Variants in SMG6 observed in about 807,000 individuals in gnomAD.
The protein encoded by SMG6 is telomerase-binding protein EST1A.
SMG6 carries 66 observed loss-of-function variants against 142.2 expected under a neutral mutation model. The ratio of observed to expected loss-of-function variants is 0.46; its 90% CI spans 0.38 to 0.57. SMG6 has a LOEUF of 0.57. SMG6 is among the 20% of genes least tolerant of loss of function. SMG6 has a pLI of 0.00. For missense variants in SMG6, 1,793 were observed against 1,832.0 expected, an observed-to-expected ratio of 0.98 and a Z score of 0.39; for synonymous variants, 779 against 702.4, an observed-to-expected ratio of 1.11 and a Z score of -1.72.
intron 12 of SMG6, among the ~76,000 whole-genome samples, chr17:2,176,733 C>T (rs2071663905): frequency 6.6e-6 from 1 of 152,060 alleles, no homozygotes; most frequent in Admixed American, 6.6e-5. Context: ...CCACAGAACA[C>T]ACCACACACC....
intron 16 of SMG6, among the ~76,000 whole-genome samples, chr17:2,066,364 A>G (rs2151387650): frequency 8.2e-6 from 1 of 122,096 alleles, no homozygotes; most frequent in African/African-American, 3.5e-5. Context: ...ACATGTGTGT[A>G]TATGTCTCTG....
intron 10 of SMG6, among the ~76,000 whole-genome samples, chr17:2,201,238 T>A (rs970310850): frequency 2.0e-5 from 3 of 152,116 alleles, no homozygotes; most frequent in Non-Finnish European, 4.4e-5. Flanking sequence ...AGTAGGTACA[T>A]GAAAAGATGC....
intron 8 of SMG6, among the ~76,000 whole-genome samples, chr17:2,277,038 C>G (rs1327200198): frequency 6.6e-6 from 1 of 152,198 alleles, no homozygotes; most frequent in Non-Finnish European, 1.5e-5. Flanking sequence ...GCCTCAGCCT[C>G]CCAAAGTGTT....
rs768172362 is a variant in SMG6 at position 2,282,851 on chromosome 17, C to T, written c.2457G>A (p.Gln819=). 6.2e-6 allele frequency: 10 copies of T among 1,614,004 alleles called. No individual in the cohort carries two copies. In the South Asian group the frequency reaches 8.8e-5, roughly 14 times the overall value. Residue 819 remains glutamine, a synonymous_variant, in exon 8 of 19, where the codon CAG becomes CAA. Transcript: ENST00000263073. Reference sequence around the variant, plus strand: ...ATTCCTCATGTTGCTTCTTTTCCATCTGTTCTGCCTATATAACATACAAAC... The same window carrying T: ...ATTCCTCATGTTGCTTCTTTTCCATTTGTTCTGCCTATATAACATACAAAC... ...LFEETKRKAE[Q]MEKKQHEEFD...
chr17:2,300,555 C>A lies in SMG6; in HGVS notation c.198G>T (p.Lys66Asn), dbSNP rs2075258209. 1 of 1,613,988 alleles carries A rather than the reference C, an allele frequency of 6.2e-7. No homozygotes were observed. The highest frequency in any genetic ancestry group is 1.1e-5 in the South Asian group (1 of 91,084). The change falls in exon 2 of 19, where the codon AAG (lysine) becomes AAT (asparagine). Residue 66 changes from lysine (K) to asparagine (N), a missense_variant. Transcript: ENST00000263073. ...LSRLRNKPKI[K>N]EPPGSEEFKD... Reference sequence around the variant, plus strand: ...TGAATTCCTCACTCCCAGGGGGTTCCTTGATTTTGGGCTTGTTCCTTAGCC... The same window carrying A: ...TGAATTCCTCACTCCCAGGGGGTTCATTGATTTTGGGCTTGTTCCTTAGCC...
At chr17:2,108,308 T>C (rs2069209470) in intron 13 of SMG6, among the ~76,000 whole-genome samples, 6 of 152,172 alleles carry the variant, frequency 3.9e-5, no homozygotes, top group Admixed American at 3.9e-4. Flanking sequence ...TGAAAACACA[T>C]ATTGAAACTT....
intron 10 of SMG6, among the ~76,000 whole-genome samples, chr17:2,218,441 G>A (rs757646956): frequency 6.6e-6 from 1 of 152,024 alleles, no homozygotes; most frequent in Non-Finnish European, 1.5e-5. Flanking sequence ...CCAGCTACTC[G>A]AAGGCTGAGA....
At chr17:2,099,215 G>A (rs2068940800) in intron 13 of SMG6, among the ~76,000 whole-genome samples, 1 of 152,022 alleles carries the variant, frequency 6.6e-6, no homozygotes, top group Non-Finnish European at 1.5e-5. Context: ...TGTCAATCAT[G>A]CTCCCCGAAG....
In SMG6 at chr17:2,297,335, T is replaced by G; in HGVS notation, c.2059A>C (p.Ser687Arg). The G allele has an allele frequency of 6.2e-7, 1 of 1,612,030 alleles. No homozygotes were observed. Among genetic ancestry groups the G allele is most frequent in the Non-Finnish European group, 8.5e-7 (1 of 1,179,044 alleles). ...GTAACCTGCAGCTTCTGAAGCAAAC[T>G]ATCAAAGAAGTCACTACCCTATAAA... Reference protein sequence around the residue: ...LLDEGSDFFDSLLQKLQVTYK... With the variant: ...LLDEGSDFFDRLLQKLQVTYK... The change falls in exon 4 of 19, where the codon AGT (serine) becomes CGT (arginine). Residue 687 changes from serine (S) to arginine (R), a missense_variant. By Grantham distance (110) the Ser-to-Arg change is moderately radical. Coordinates refer to ENST00000263073, the MANE Select transcript of SMG6 (RefSeq NM_017575.5).
chr17:2,107,760 G>C (rs932685773), intron 13 of SMG6, among the ~76,000 whole-genome samples: 1 of 152,250 alleles, frequency 6.6e-6, no homozygotes, highest in East Asian at 1.9e-4. Flanking sequence ...GCCAGAGAGA[G>C]AGAGAAGGCA....
chr17:2,251,003 A>C (rs2074034288), intron 8 of SMG6, among the ~76,000 whole-genome samples: 1 of 152,086 alleles, frequency 6.6e-6, no homozygotes, highest in Non-Finnish European at 1.5e-5. Context: ...AACAAAGATA[A>C]ATAACATACC....
chr17:2,299,046 T>C lies in SMG6; in HGVS notation c.1707A>G (p.Val569=), dbSNP rs1405182660. 6.2e-7 allele frequency: 1 copy of C among 1,614,226 alleles called. No individual in the cohort carries two copies. The highest frequency in any genetic ancestry group is 8.5e-7 in the Non-Finnish European group (1 of 1,180,042). ...LPTSTMSPEE[V]EQHMRNLQQQ... ...GCTGCAGGTTCCTCATGTGCTGCTC[T>C]ACCTCCTCGGGACTCATGGTGCTGG... The change falls in exon 2 of 19, where the codon GTA becomes GTG. Residue 569 remains valine, a synonymous_variant. Coordinates refer to ENST00000263073, the MANE Select transcript of SMG6 (RefSeq NM_017575.5). The surrounding 1 kb of genome is among the most constrained non-coding windows in gnomAD (Gnocchi z 4.3).
chr17:2,116,702 T>C (rs1351125214), intron 13 of SMG6, among the ~76,000 whole-genome samples: 2 of 151,932 alleles, frequency 1.3e-5, no homozygotes, highest in African/African-American at 4.8e-5. Context: ...GAGCTGAGAT[T>C]GCGCCACTGC....
At chr17:2,261,285 G>A (rs1352009939) in intron 8 of SMG6, among the ~76,000 whole-genome samples, 1 of 150,984 alleles carries the variant, frequency 6.6e-6, no homozygotes, top group Non-Finnish European at 1.5e-5. Flanking sequence ...CTGCATTCTA[G>A]CCTGGGTGAC....
intron 12 of SMG6, among the ~76,000 whole-genome samples, chr17:2,175,365 A>G (rs1164998182): frequency 2.0e-5 from 3 of 152,110 alleles, no homozygotes; most frequent in Non-Finnish European, 2.9e-5. Flanking sequence ...CAGCATCCCC[A>G]GCCAGAGAGA....
intron 17 of SMG6, 84 bp from the exon 18 acceptor site, chr17:2,065,238 G>A (rs1008367742): frequency 2.2e-5 from 28 of 1,250,632 alleles, no homozygotes; most frequent in Admixed American, 3.6e-5. Context: ...TGCCTCGGGG[G>A]CCCTGGGCAG....
intron 12 of SMG6, among the ~76,000 whole-genome samples, chr17:2,179,978 C>T (rs1399900086): frequency 6.6e-6 from 1 of 152,206 alleles, no homozygotes; most frequent in East Asian, 1.9e-4. Context: ...CTGACTCTTT[C>T]ACTTACTGAG....
At chr17:2,187,839 C>G (rs2072038858) in intron 11 of SMG6, among the ~76,000 whole-genome samples, 1 of 151,984 alleles carries the variant, frequency 6.6e-6, no homozygotes. Context: ...TAATATTGAT[C>G]TAGGAGCTGA....
chr17:2,155,210 C>T (rs562168516), intron 13 of SMG6, among the ~76,000 whole-genome samples: 37 of 151,950 alleles, frequency 2.4e-4, no homozygotes, highest in African/African-American at 8.7e-4. Flanking sequence ...TACAGGTGTG[C>T]GCCACCATGC....
Sources: gnomAD v4.1 joint callset for allele counts (sites outside exome capture counted in the v4.1 genomes callset) on GRCh38, gnomAD v4.1.1 for gene constraint, Gnocchi (gnomAD v3.1) non-coding constraint, MANE v1.5 for transcripts, NCBI Gene and HGNC (gene_info 2026-07-23, HGNC 2026-07-21) for gene names.